CNTLN: variants seen among roughly 807,000 people sequenced by gnomAD.
CNTLN encodes centlein, centrosomal protein.
CNTLN carries 212 observed loss-of-function variants against 180.0 expected under a neutral mutation model. That is an observed-to-expected ratio of 1.18 (90% CI 1.05 to 1.32). The LOEUF is 1.32. Among genes scored for constraint, CNTLN ranks in the 40% most tolerant of loss-of-function variants. CNTLN has a pLI of 0.00. For missense variants in CNTLN, 2,095 were observed against 1,610.9 expected (o/e 1.30, Z -5.14); for synonymous variants, 722 against 563.1 (o/e 1.28, Z -3.99).
At chr9:17,323,337 C>T (rs575577018) in intron 8 of CNTLN, among the ~76,000 whole-genome samples, 1 of 152,272 alleles carries the variant, frequency 6.6e-6, no homozygotes, top group Non-Finnish European at 1.5e-5. Flanking sequence ...ATAGCTGCTT[C>T]ATAATTAACA....
At chr9:17,453,905 T>A (rs1438086820) in intron 18 of CNTLN, among the ~76,000 whole-genome samples, 2 of 152,202 alleles carry the variant, frequency 1.3e-5, no homozygotes, top group Non-Finnish European at 2.9e-5. Context: ...GCTCATCTGA[T>A]TAGGTCAGGA....
chr9:17,430,112 A>C (rs1261718374), intron 18 of CNTLN, among the ~76,000 whole-genome samples: 1 of 151,996 alleles, frequency 6.6e-6, no homozygotes, highest in Non-Finnish European at 1.5e-5. Flanking sequence ...TTGTATATTT[A>C]ATCTTTATTT....
chr9:17,488,617 G>A (rs1832999545), intron 25 of CNTLN, among the ~76,000 whole-genome samples: 1 of 151,898 alleles, frequency 6.6e-6, no homozygotes. Flanking sequence ...AGTTTTTTTG[G>A]TTAACACGTG....
chr9:17,419,868 A>G (rs1271556405), intron 18 of CNTLN, among the ~76,000 whole-genome samples: 1 of 152,216 alleles, frequency 6.6e-6, no homozygotes, highest in Non-Finnish European at 1.5e-5. Context: ...TGTTGCATAC[A>G]TATGTACATT....
In CNTLN at chr9:17,498,791, G is replaced by C. The variant is rs78998120; in HGVS notation, c.4120-3760G>C. Among the ~76,000 whole-genome samples the C allele has an allele frequency of 4.7e-4, 71 of 152,248 alleles. 1 individual carries two copies. The East Asian group carries it at 0.013, about 27-fold the overall frequency. The stretch of plus-strand genomic sequence containing the variant: ...AATACCATCTGAGATGAAACCCACA[G>C]CAGCATAATGTTGGTTTGTTGTTTC... On this transcript the variant is annotated intron_variant, in intron 25 of 25. Coordinates refer to ENST00000380647, the MANE Select transcript of CNTLN (RefSeq NM_017738.4).
intron 6 of CNTLN, among the ~76,000 whole-genome samples, chr9:17,287,616 A>G (rs199828239): frequency 8.7e-5 from 13 of 149,128 alleles, no homozygotes; most frequent in South Asian, 2.1e-4. Context: ...GGTAGAATTC[A>G]GCTGTGAATC....
At chr9:17,261,676 A>C (rs979444312) in intron 5 of CNTLN, among the ~76,000 whole-genome samples, 9 of 151,236 alleles carry the variant, frequency 6.0e-5, no homozygotes, top group Non-Finnish European at 1.3e-4. Context: ...CTCTTGACTG[A>C]TTGCTCTGGC....
intron 5 of CNTLN, among the ~76,000 whole-genome samples, chr9:17,260,431 G>A (rs1826869161): frequency 6.6e-6 from 1 of 151,176 alleles, no homozygotes; most frequent in African/African-American, 2.5e-5. Context: ...GTGGTGTGGT[G>A]CTGAAAAAAA....
At chr9:17,444,014 GAAGACTGTATTAAC>G (rs1830261948) in intron 18 of CNTLN, among the ~76,000 whole-genome samples, 1 of 152,150 alleles carries the variant, frequency 6.6e-6, no homozygotes, top group African/African-American at 2.4e-5. Flanking sequence ...ACTTTACTAA[GAAGACTGTATTAAC>G]AAGACTGTCT....
chr9:17,181,620 A>C (rs1377901073), intron 2 of CNTLN, among the ~76,000 whole-genome samples: 1 of 152,238 alleles, frequency 6.6e-6, no homozygotes, highest in Admixed American at 6.5e-5. Context: ...TGGGTATTAC[A>C]TTATGAACTC....
intron 2 of CNTLN, among the ~76,000 whole-genome samples, chr9:17,204,486 G>A (rs904355998): frequency 2.6e-5 from 4 of 152,056 alleles, no homozygotes; most frequent in Admixed American, 2.6e-4. Flanking sequence ...TGCTTGGCTG[G>A]GTATCACCAG....
chr9:17,518,714 G>A, the CNTLN span, among the ~76,000 whole-genome samples: 1 of 152,112 alleles, frequency 6.6e-6, no homozygotes, highest in Admixed American at 6.6e-5. Context: ...GTGAGTGTAA[G>A]TACCATGTAT....
chr9:17,236,301 G>A, intron 4 of CNTLN, 108 bp from the exon 5 acceptor site: 1 of 897,848 alleles, frequency 1.1e-6, no homozygotes, highest in Non-Finnish European at 1.6e-6. Flanking sequence ...AGAAGCTTCT[G>A]TGAGGGTAAA....
At chr9:17,140,242 C>T (rs1228117148) in intron 1 of CNTLN, among the ~76,000 whole-genome samples, 1 of 152,048 alleles carries the variant, frequency 6.6e-6, no homozygotes, top group Non-Finnish European at 1.5e-5. Context: ...TCACAAAATT[C>T]ATATATAACA....
In CNTLN at chr9:17,273,858, C is replaced by T. The variant is rs563465502; in HGVS notation, c.975C>T (p.Thr325=). ...TTATCCAGAAGGATATGGATATTAC[C>T]CTGGTCAGGCAAGTATATTCAATTT... ...TELIQKDMDI[T]LVRKELQELQ... The change falls in exon 6 of 26, where the codon ACC becomes ACT. Residue 325 remains threonine (T), a synonymous_variant. Transcript: ENST00000380647. The T allele has an allele frequency of 3.9e-6, 6 of 1,548,720 alleles. No individual in the cohort carries two copies. Among genetic ancestry groups the T allele is most frequent in the Admixed American group, 2.2e-5 (1 of 45,866 alleles).
intron 12 of CNTLN, among the ~76,000 whole-genome samples, chr9:17,353,766 G>A (rs1822567633): frequency 6.6e-6 from 1 of 151,956 alleles, no homozygotes; most frequent in African/African-American, 2.4e-5. Flanking sequence ...AGAGGTGACA[G>A]CGTGCTGGCA....
intron 6 of CNTLN, among the ~76,000 whole-genome samples, chr9:17,297,009 A>G (rs1817995977): frequency 6.6e-6 from 1 of 152,242 alleles, no homozygotes; most frequent in Admixed American, 6.5e-5. Context: ...TCCATTAAGA[A>G]ATACAATCTT....
chr9:17,455,110 A>G (rs1237628538), intron 18 of CNTLN, among the ~76,000 whole-genome samples: 1 of 149,820 alleles, frequency 6.7e-6, no homozygotes, highest in East Asian at 1.9e-4. Flanking sequence ...AGCTTTCTCA[A>G]GTAAGAAGTA....
chr9:17,463,622 A>G (rs1831579294), intron 20 of CNTLN, among the ~76,000 whole-genome samples: 1 of 151,644 alleles, frequency 6.6e-6, no homozygotes, highest in Non-Finnish European at 1.5e-5. Flanking sequence ...CCTCATTATA[A>G]GTGAAGAGCA....
Sources: allele counts gnomAD v4.1 joint callset (sites outside exome capture counted in the v4.1 genomes callset), GRCh38; gene constraint gnomAD v4.1.1; transcripts MANE v1.5; gene names NCBI Gene and HGNC (gene_info 2026-07-23, HGNC 2026-07-21).